STK39: variants seen among roughly 807,000 people sequenced by gnomAD.
The protein encoded by STK39 is serine/threonine kinase 39, also known as STE20/SPS1-related proline-alanine-rich protein kinase.
A neutral mutation model predicts 77.8 loss-of-function variants in STK39; 20 were observed. The observed-to-expected ratio is 0.26, with a 90% confidence interval of 0.18 to 0.37. STK39 has a LOEUF of 0.37. STK39 is among the 10% of genes least tolerant of loss of function. The pLI, the probability that STK39 is intolerant of heterozygous loss-of-function variation, is 1.00. For synonymous variants in STK39, 246 were observed against 234.1 expected, an observed-to-expected ratio of 1.05 and a Z score of -0.47; for missense variants, 479 against 656.5, an observed-to-expected ratio of 0.73 and a Z score of 2.95.
intron 14 of STK39, among the ~76,000 whole-genome samples, chr2:168,050,119 G>T (rs1285897964): frequency 6.6e-6 from 1 of 152,122 alleles, no homozygotes; most frequent in Non-Finnish European, 1.5e-5. Flanking sequence ...TATCTTCTTT[G>T]TAACATTTGG....
At chr2:167,963,729 TG>T (rs1173468354) in intron 17 of STK39, among the ~76,000 whole-genome samples, 3 of 152,206 alleles carry the variant, frequency 2.0e-5, no homozygotes, top group African/African-American at 7.2e-5. Context: ...TAAAATTAGA[TG>T]GGAAGCAAGA....
intron 16 of STK39, among the ~76,000 whole-genome samples, chr2:168,001,468 C>T (rs1683999519): frequency 6.6e-6 from 1 of 151,370 alleles, no homozygotes; most frequent in African/African-American, 2.4e-5. Flanking sequence ...TTAAGTAGTG[C>T]AAGATTAAGA....
chr2:168,001,402 G>A lies in STK39; in HGVS notation c.1498+11232C>T, dbSNP rs187348956. 8.2e-4 allele frequency among the ~76,000 whole-genome samples: 124 copies of A among 151,902 alleles called. 1 individual carries two copies. The highest frequency in any genetic ancestry group is 3.4e-4 in the Non-Finnish European group (23 of 67,984). ...GGCAGGTGACCAGTCCAGATCTCTC[G>A]TTTTAAAATGAATCTGGGGTACATG... On this transcript the variant is annotated intron_variant, in intron 16 of 17. Coordinates refer to ENST00000355999, the MANE Select transcript of STK39 (RefSeq NM_013233.3).
chr2:168,223,928 A>C (rs1238663322), intron 1 of STK39, among the ~76,000 whole-genome samples: 5 of 152,068 alleles, frequency 3.3e-5, no homozygotes, highest in South Asian at 2.1e-4. Flanking sequence ...ATTTTTTCTA[A>C]AGGTTGCTCT....
intron 10 of STK39, among the ~76,000 whole-genome samples, chr2:168,083,753 C>A (rs902432830): frequency 6.6e-6 from 1 of 151,712 alleles, no homozygotes; most frequent in Non-Finnish European, 1.5e-5. Flanking sequence ...TGGCTAAGAG[C>A]AAGGCTGGAA....
At chr2:167,956,897 T>C (rs1399030547) in intron 17 of STK39, among the ~76,000 whole-genome samples, 2 of 152,082 alleles carry the variant, frequency 1.3e-5, no homozygotes, top group Non-Finnish European at 1.5e-5. Flanking sequence ...TTTCAGAGCC[T>C]AATTCCTGCT....
intron 5 of STK39, among the ~76,000 whole-genome samples, chr2:168,159,596 T>A (rs1001650758): frequency 3.9e-5 from 6 of 152,156 alleles, no homozygotes. Flanking sequence ...TTAAATACTG[T>A]ATTAGTTGGA....
intron 14 of STK39, among the ~76,000 whole-genome samples, chr2:168,043,394 A>G (rs1685158370): frequency 6.6e-6 from 1 of 152,192 alleles, no homozygotes; most frequent in Non-Finnish European, 1.5e-5. Context: ...AAATAAATAC[A>G]AACCCCAGTA....
At chr2:168,144,292 C>A (rs1279160251) in intron 5 of STK39, among the ~76,000 whole-genome samples, 1 of 151,884 alleles carries the variant, frequency 6.6e-6, no homozygotes, top group South Asian at 2.1e-4. Flanking sequence ...CTTATTTAGG[C>A]CTATTTTTAT....
intron 5 of STK39, among the ~76,000 whole-genome samples, chr2:168,141,161 A>G (rs1304677223): frequency 6.6e-6 from 1 of 152,228 alleles, no homozygotes; most frequent in East Asian, 1.9e-4. Context: ...GTACAAGTAA[A>G]TAATATTTTT....
chr2:168,170,914 G>A (rs79215198), intron 2 of STK39, among the ~76,000 whole-genome samples: 359 of 152,280 alleles, frequency 2.4e-3, no homozygotes, highest in African/African-American at 8.1e-3. Context: ...AAAAAGAAAC[G>A]CAAGCAAACA....
chr2:168,094,924 A>G (rs1467974842), intron 10 of STK39, among the ~76,000 whole-genome samples: 2 of 152,072 alleles, frequency 1.3e-5, no homozygotes, highest in Non-Finnish European at 2.9e-5. Context: ...CCATCCTCCT[A>G]TTCATACTGC....
chr2:167,969,860 CTTCCATCTCAGAGTAA>C (rs911292307), intron 16 of STK39, among the ~76,000 whole-genome samples: 160 of 152,288 alleles, frequency 1.1e-3, no homozygotes, highest in African/African-American at 3.7e-3. Flanking sequence ...CTCTGTTGGC[CTTCCATCTCAGAGTAA>C]AGCCATGGTC....
At chr2:168,130,748 T>C (rs1687674218) in intron 8 of STK39, among the ~76,000 whole-genome samples, 1 of 152,260 alleles carries the variant, frequency 6.6e-6, no homozygotes, top group African/African-American at 2.4e-5. Flanking sequence ...CCTTGTTTAC[T>C]GACTGACATT....
chr2:168,225,963 A>ATTGG (rs1574572464), intron 1 of STK39, among the ~76,000 whole-genome samples: 2 of 152,312 alleles, frequency 1.3e-5, no homozygotes, highest in East Asian at 3.9e-4. Flanking sequence ...GGAAATACAG[A>ATTGG]CAGAATCCAG....
chr2:168,171,250 C>G (rs1001758644), intron 2 of STK39, among the ~76,000 whole-genome samples: 3 of 152,136 alleles, frequency 2.0e-5, no homozygotes, highest in African/African-American at 7.2e-5. Context: ...GCAGCCACAG[C>G]AGCACCCCTC....
At chr2:168,040,337 C>T (rs1444363626) in intron 14 of STK39, among the ~76,000 whole-genome samples, 2 of 152,108 alleles carry the variant, frequency 1.3e-5, no homozygotes, top group East Asian at 3.9e-4. Context: ...TTTCTTTTTA[C>T]ACAAAAAAAG....
chr2:168,089,122 A>G (rs530737094), intron 10 of STK39, among the ~76,000 whole-genome samples: 58 of 152,288 alleles, frequency 3.8e-4, no homozygotes, highest in Admixed American at 1.2e-3. Flanking sequence ...TCCAGGAGAA[A>G]GTGAGGAAGA....
intron 1 of STK39, among the ~76,000 whole-genome samples, chr2:168,245,659 G>T (rs1690878876): frequency 6.6e-6 from 1 of 152,244 alleles, no homozygotes; most frequent in Non-Finnish European, 1.5e-5. Flanking sequence ...GAAGACAGCG[G>T]TGTATTCAGG....
Sources: gnomAD v4.1 joint callset for allele counts (sites outside exome capture counted in the v4.1 genomes callset) on GRCh38, gnomAD v4.1.1 for gene constraint, MANE v1.5 for transcripts, NCBI Gene and HGNC (gene_info 2026-07-23, HGNC 2026-07-21) for gene names.